NCALD: variants seen among roughly 807,000 people sequenced by gnomAD.
The protein encoded by NCALD is neurocalcin-delta.
Under a neutral mutation model 18.6 loss-of-function variants are expected in NCALD, and 10 were observed. The observed-to-expected ratio is 0.54, with a 90% CI of 0.33 to 0.91. The LOEUF (loss-of-function observed/expected upper bound fraction) is 0.91, where lower values mean the gene tolerates loss of function less well. NCALD is among the 40% of genes least tolerant of loss of function. NCALD has a pLI of 0.03. For missense variants in NCALD, 184 were observed against 247.6 expected (o/e 0.74, Z 1.72); for synonymous variants, 88 against 87.4 (o/e 1.01, Z -0.04).
chr8:101,968,828 C>T (rs1820131009), intron 2 of NCALD, among the ~76,000 whole-genome samples: 1 of 152,164 alleles, frequency 6.6e-6, no homozygotes, highest in Non-Finnish European at 1.5e-5. Context: ...AAAATCCCAG[C>T]AAAGCCCCAC....
intron 4 of NCALD, among the ~76,000 whole-genome samples, chr8:101,853,794 A>T (rs78044983): frequency 0.042 from 6,435 of 152,180 alleles, 308 homozygotes; most frequent in African/African-American, 0.12. Context: ...CTCAAGAGAC[A>T]ATTGACTTCC....
intron 4 of NCALD, among the ~76,000 whole-genome samples, chr8:101,798,202 G>C (rs1207162732): frequency 5.3e-5 from 8 of 152,096 alleles, no homozygotes; most frequent in African/African-American, 1.4e-4. Context: ...AGTTTGGAAA[G>C]GAAGAAATAA....
chr8:101,845,471 C>G (rs1454524146), intron 4 of NCALD, among the ~76,000 whole-genome samples: 2 of 152,198 alleles, frequency 1.3e-5, no homozygotes, highest in African/African-American at 4.8e-5. Flanking sequence ...CCTCTCCACA[C>G]AAGCCATCCC....
At chr8:101,816,307 T>C (rs754783768) in intron 4 of NCALD, among the ~76,000 whole-genome samples, 2 of 152,092 alleles carry the variant, frequency 1.3e-5, no homozygotes, top group Non-Finnish European at 1.5e-5. Context: ...GACTCTAATC[T>C]CCCTAATTTC....
At chr8:101,801,710 A>T (rs1812869350) in intron 4 of NCALD, among the ~76,000 whole-genome samples, 1 of 112,802 alleles carries the variant, frequency 8.9e-6, no homozygotes, top group Admixed American at 1.4e-4. Flanking sequence ...TCTGTCGCCC[A>T]GGCTGGAGTG....
At chr8:101,754,799 G>A (rs9693531) in intron 1 of NCALD, among the ~76,000 whole-genome samples, 102,254 of 151,624 alleles carry the variant, frequency 0.67, 35,587 homozygotes, top group East Asian at 0.77. Context: ...TAAAGGCTGT[G>A]TTCTTTACCA....
intron 1 of NCALD, among the ~76,000 whole-genome samples, chr8:101,739,627 C>T (rs1046089279): frequency 2.7e-5 from 4 of 149,194 alleles, no homozygotes; most frequent in Non-Finnish European, 5.9e-5. Flanking sequence ...CCATCTTTCT[C>T]CCCTGCTGGA....
At chr8:101,780,743 CA>C (rs1161490158) in intron 1 of NCALD, among the ~76,000 whole-genome samples, 1 of 152,014 alleles carries the variant, frequency 6.6e-6, no homozygotes, top group Non-Finnish European at 1.5e-5. Flanking sequence ...TTTACCACAA[CA>C]AAAAAAGTCC....
At chr8:101,840,249 A>G (rs1814588561) in intron 4 of NCALD, among the ~76,000 whole-genome samples, 1 of 152,222 alleles carries the variant, frequency 6.6e-6, no homozygotes, top group South Asian at 2.1e-4. Context: ...CTGATTGAAG[A>G]AAAGAAAATA....
intron 4 of NCALD, among the ~76,000 whole-genome samples, chr8:101,857,765 T>C (rs571710116): frequency 6.6e-6 from 1 of 152,324 alleles, no homozygotes; most frequent in African/African-American, 2.4e-5. Flanking sequence ...TATAAGTTAA[T>C]TAAATTAAAG....
intron 3 of NCALD, among the ~76,000 whole-genome samples, chr8:101,900,786 T>C (rs916648723): frequency 5.9e-5 from 9 of 152,030 alleles, no homozygotes; most frequent in Admixed American, 1.3e-4. Flanking sequence ...TATTTTGGTA[T>C]ACATTTTGTT....
chr8:101,942,919 A>C (rs1245205172), intron 2 of NCALD, among the ~76,000 whole-genome samples: 2 of 152,216 alleles, frequency 1.3e-5, no homozygotes, highest in African/African-American at 4.8e-5. Flanking sequence ...GTTAAGAGCC[A>C]GCTGATGAGT....
At chr8:101,875,258 G>A (rs528425613) in intron 4 of NCALD, among the ~76,000 whole-genome samples, 1 of 152,342 alleles carries the variant, frequency 6.6e-6, no homozygotes, top group East Asian at 1.9e-4. Context: ...AGACACAGAT[G>A]TCAGGATGCT....
At chr8:101,741,109 C>T (rs1563719009) in intron 1 of NCALD, among the ~76,000 whole-genome samples, 1 of 152,168 alleles carries the variant, frequency 6.6e-6, no homozygotes, top group African/African-American at 2.4e-5. Context: ...CAGGTAGATC[C>T]TACTCCCTGC....
chr8:101,921,356 G>C (rs1042398698), intron 2 of NCALD, among the ~76,000 whole-genome samples: 35 of 151,466 alleles, frequency 2.3e-4, no homozygotes, highest in Non-Finnish European at 4.4e-5. Context: ...CAATTGTTTG[G>C]ATTTCTAAAA....
intron 4 of NCALD, among the ~76,000 whole-genome samples, chr8:101,806,830 A>G (rs957291000): frequency 6.6e-6 from 1 of 151,998 alleles, no homozygotes; most frequent in African/African-American, 2.4e-5. Flanking sequence ...AACAGGATAA[A>G]CACAAATAGA....
chr8:101,897,429 G>A (rs1035652706), intron 3 of NCALD, among the ~76,000 whole-genome samples: 3 of 149,422 alleles, frequency 2.0e-5, no homozygotes, highest in South Asian at 2.2e-4. Flanking sequence ...TGACGAGTTA[G>A]TGGGTGCAGT....
chr8:101,924,364 G>C (rs768984468), intron 2 of NCALD, among the ~76,000 whole-genome samples: 1 of 152,104 alleles, frequency 6.6e-6, no homozygotes, highest in Non-Finnish European at 1.5e-5. Context: ...CATTTTCATT[G>C]AGCGGCACAG....
chr8:101,753,582 A>G (rs1810748676), intron 1 of NCALD, among the ~76,000 whole-genome samples: 1 of 152,224 alleles, frequency 6.6e-6, no homozygotes, highest in African/African-American at 2.4e-5. Flanking sequence ...TTATCTTACC[A>G]TGGACTGGCT....
Sources: allele counts gnomAD v4.1 joint callset (sites outside exome capture counted in the v4.1 genomes callset), GRCh38; gene constraint gnomAD v4.1.1; transcripts MANE v1.5; gene names NCBI Gene and HGNC (gene_info 2026-07-23, HGNC 2026-07-21).